Variants in DOCK3 observed in about 807,000 individuals in gnomAD.
DOCK3 encodes dedicator of cytokinesis 3.
A neutral mutation model predicts 265.6 loss-of-function variants in DOCK3; 60 were observed. The observed-to-expected ratio is 0.23, with a 90% confidence interval of 0.18 to 0.28. The LOEUF is 0.28. Ranked by LOEUF, DOCK3 falls within the 10% of genes least tolerant of loss-of-function variation. The pLI, the probability that DOCK3 is intolerant of heterozygous loss-of-function variation, is 1.00. For missense variants in DOCK3, 1,981 were observed against 2,594.3 expected (o/e 0.76, Z 5.14); for synonymous variants, 881 against 938.0 (o/e 0.94, Z 1.11).
At chr3:50,974,723 C>T (rs1449177879) in intron 5 of DOCK3, among the ~76,000 whole-genome samples, 2 of 114,680 alleles carry the variant, frequency 1.7e-5, no homozygotes, top group Non-Finnish European at 3.8e-5. Context: ...CTATAAATTA[C>T]CTTGGGCAGT....
chr3:50,966,540 G>C (rs979270846), intron 5 of DOCK3, among the ~76,000 whole-genome samples: 15 of 100,092 alleles, frequency 1.5e-4, no homozygotes, highest in Non-Finnish European at 3.8e-5. Context: ...TCTAACACTT[G>C]TGAGGTGATA....
At chr3:51,251,176 A>G (rs1317491841) in intron 22 of DOCK3, among the ~76,000 whole-genome samples, 5 of 152,178 alleles carry the variant, frequency 3.3e-5, no homozygotes. Context: ...AGCTTCATCC[A>G]TATCCCTACA....
At chr3:51,068,562 A>AAGAAGAG (rs869179974) in intron 6 of DOCK3, among the ~76,000 whole-genome samples, 1 of 140,478 alleles carries the variant, frequency 7.1e-6, no homozygotes, top group African/African-American at 2.6e-5. Context: ...AAAAAAAAAA[A>AAGAAGAG]GAAGAAGAAG....
intron 2 of DOCK3, among the ~76,000 whole-genome samples, chr3:50,828,228 A>G (rs1256465871): frequency 1.3e-5 from 2 of 150,956 alleles, no homozygotes; most frequent in Non-Finnish European, 3.0e-5. Flanking sequence ...CACACGTGCC[A>G]GAAAACATGC....
intron 37 of DOCK3, among the ~76,000 whole-genome samples, chr3:51,340,286 C>T (rs979178778): frequency 1.3e-5 from 2 of 152,152 alleles, no homozygotes; most frequent in Non-Finnish European, 2.9e-5. Context: ...AAGAAAAAGA[C>T]GTTCCATGGT....
At chr3:51,193,800 TC>T (rs1293456819) in intron 12 of DOCK3, among the ~76,000 whole-genome samples, 1 of 55,792 alleles carries the variant, frequency 1.8e-5, no homozygotes, top group African/African-American at 7.7e-5. Flanking sequence ...GGGGCTTCTC[TC>T]TTTTTTTTTT....
intron 4 of DOCK3, among the ~76,000 whole-genome samples, chr3:50,933,206 G>T (rs2051165045): frequency 6.6e-6 from 1 of 152,106 alleles, no homozygotes; most frequent in Admixed American, 6.5e-5. Context: ...ATTTGAGTGG[G>T]GACACAGCCA....
intron 35 of DOCK3, 118 bp downstream of exon 35, chr3:51,333,371 AT>A: frequency 2.0e-6 from 2 of 998,798 alleles, no homozygotes; most frequent in Non-Finnish European, 3.1e-6. Context: ...CTGTTGTGAT[AT>A]TGGGTGCCAT....
At chr3:51,375,047 T>G (rs2087991921) in intron 50 of DOCK3, among the ~76,000 whole-genome samples, 1 of 152,228 alleles carries the variant, frequency 6.6e-6, no homozygotes, top group African/African-American at 2.4e-5. Context: ...CTGCTGGGGC[T>G]GTTCTACATG....
At chr3:51,228,214 G>A in intron 17 of DOCK3, 126 bp downstream of exon 17, 1 of 856,778 alleles carries the variant, frequency 1.2e-6, no homozygotes, top group Non-Finnish European at 1.9e-6. Flanking sequence ...ACTGGTGGGT[G>A]ACAGTGGGAC....
At position 51,208,960 on chromosome 3, in the gene DOCK3, CT is replaced by C. The variant is rs2089365706; in HGVS notation, c.1126+99del. 4.0e-6 allele frequency: 4 copies of C among 1,011,660 alleles called. No homozygotes were observed. In the South Asian group the frequency reaches 6.7e-5, roughly 17 times the overall value. 62.7% of individuals were successfully genotyped at this position (1,011,660 alleles called of 1,614,324 possible). ...TGGTGCAGATTGGCTGCTGTATTCC[CT>C]ACAGATATTTATTCTCCTGCCGAGG... On this transcript the variant is annotated intron_variant, in intron 13 of 52. Transcript: ENST00000266037.
chr3:51,331,795 A>C (rs1170956794), intron 33 of DOCK3, among the ~76,000 whole-genome samples: 1 of 152,198 alleles, frequency 6.6e-6, no homozygotes, highest in Admixed American at 6.5e-5. Context: ...CCATCTCAAA[A>C]AAGAAAAAAT....
intron 4 of DOCK3, among the ~76,000 whole-genome samples, chr3:50,909,641 G>GTTTTTTTTTT (rs71633043): frequency 4.1e-5 from 4 of 98,696 alleles, no homozygotes; most frequent in East Asian, 3.3e-4. Flanking sequence ...TACCCTTAAC[G>GTTTTTTTTTT]TTTTTTTTTT....
At chr3:50,774,374 G>A (rs2041465005) in intron 1 of DOCK3, among the ~76,000 whole-genome samples, 1 of 151,746 alleles carries the variant, frequency 6.6e-6, no homozygotes, top group Non-Finnish European at 1.5e-5. Context: ...CTTATATTAG[G>A]CTTTTAATGT....
chr3:50,719,703 T>C, intron 1 of DOCK3: 1 of 1,467,542 alleles, frequency 6.8e-7, no homozygotes. Context: ...GGGACTTGTA[T>C]GCTTCAGAGT....
chr3:51,309,618 GGAGAGCGAGAGCGAGAGC>G (rs71084141), intron 27 of DOCK3, among the ~76,000 whole-genome samples: 32 of 150,764 alleles, frequency 2.1e-4, no homozygotes, highest in African/African-American at 4.4e-4. Context: ...AGAGGGAGAG[GGAGAGCGAGAGCGAGAGC>G]GAGAGCGAGA....
intron 5 of DOCK3, among the ~76,000 whole-genome samples, chr3:51,049,829 C>CACACACACACACACA (rs377417609): frequency 2.8e-5 from 4 of 144,354 alleles, no homozygotes; most frequent in South Asian, 2.3e-4. Flanking sequence ...ACACACACAC[C>CACACACACACACACA]CCAAAAAAAC....
chr3:50,795,668 T>C (rs1489538920), intron 2 of DOCK3, among the ~76,000 whole-genome samples: 9 of 152,208 alleles, frequency 5.9e-5, no homozygotes, highest in Admixed American at 5.9e-4. Context: ...AAGCCCATAT[T>C]TCTTGGAGAT....
chr3:50,790,785 C>T (rs2042430698), intron 2 of DOCK3, among the ~76,000 whole-genome samples: 3 of 152,098 alleles, frequency 2.0e-5, no homozygotes, highest in African/African-American at 7.2e-5. Context: ...AACCTGATGA[C>T]TGTGTGCCTG....
Sources: gnomAD v4.1 joint callset for allele counts (sites outside exome capture counted in the v4.1 genomes callset) on GRCh38, gnomAD v4.1.1 for gene constraint, MANE v1.5 for transcripts, NCBI Gene and HGNC (gene_info 2026-07-23, HGNC 2026-07-21) for gene names.